SLC4A10: variants seen among roughly 807,000 people sequenced by gnomAD.
SLC4A10 encodes solute carrier family 4 member 10, also known as sodium-driven chloride bicarbonate exchanger.
SLC4A10 carries 42 observed loss-of-function variants against 137.7 expected under a neutral mutation model. The ratio of observed to expected loss-of-function variants is 0.30; its 90% confidence interval spans 0.24 to 0.39. The LOEUF is 0.39. Among genes scored for constraint, SLC4A10 ranks in the 10% least tolerant of loss-of-function variants. The pLI, the probability that SLC4A10 is intolerant of heterozygous loss-of-function variation, is 1.00. For synonymous variants in SLC4A10, 474 were observed against 464.1 expected (o/e 1.02, Z -0.27); for missense variants, 925 against 1,355.0 (o/e 0.68, Z 4.98).
chr2:161,910,867 A>G (rs1330302194), intron 15 of SLC4A10, among the ~76,000 whole-genome samples: 1 of 151,808 alleles, frequency 6.6e-6, no homozygotes, highest in African/African-American at 2.4e-5. Context: ...CTAGATTTGA[A>G]CCTCCTTTAA....
chr2:161,823,810 GGGA>G (rs2057818806), intron 3 of SLC4A10, among the ~76,000 whole-genome samples: 1 of 152,204 alleles, frequency 6.6e-6, no homozygotes, highest in Non-Finnish European at 1.5e-5. Flanking sequence ...CAATTCTGGG[GGGA>G]AAATGCCACA....
intron 2 of SLC4A10, among the ~76,000 whole-genome samples, chr2:161,788,283 G>A (rs2053844543): frequency 1.3e-5 from 2 of 151,980 alleles, no homozygotes; most frequent in Admixed American, 6.6e-5. Flanking sequence ...GTGACTAGGA[G>A]AGCAGAGGTC....
chr2:161,957,000 G>T lies in SLC4A10; in HGVS notation c.2553G>T (p.Gly851=), dbSNP rs778387459. ...TCTTTTTTAAACAGAAAGGTTGTGG[G>T]TACCATCTGGACCTATTAATGGTGG... ...RKEHKLKKGC[G]YHLDLLMVAV... is the part of the protein sequence containing the mutation. The change falls in exon 20 of 27, where the codon GGG becomes GGT. Residue 851 remains glycine, a synonymous_variant. Coordinates refer to ENST00000446997, the MANE Select transcript of SLC4A10 (RefSeq NM_001178015.2). 8.0e-5 allele frequency: 127 copies of T among 1,580,104 alleles called. No individual in the cohort carries two copies. The highest frequency in any genetic ancestry group is 1.0e-4 in the Non-Finnish European group (121 of 1,162,922).
intron 19 of SLC4A10, 150 bp downstream of exon 19, chr2:161,950,998 C>A: frequency 1.4e-6 from 1 of 731,220 alleles, no homozygotes; most frequent in Non-Finnish European, 2.0e-6. Context: ...TTACAAGATA[C>A]TTGGTCTTAC....
chr2:161,752,854 T>C (rs2049134869), intron 1 of SLC4A10, among the ~76,000 whole-genome samples: 1 of 152,104 alleles, frequency 6.6e-6, no homozygotes, highest in South Asian at 2.1e-4. Context: ...TCATGGTGAC[T>C]GTACTTAATA....
chr2:161,684,153 G>A (rs1318025065), intron 1 of SLC4A10, among the ~76,000 whole-genome samples: 1 of 152,028 alleles, frequency 6.6e-6, no homozygotes, highest in East Asian at 1.9e-4. Flanking sequence ...TCCTTTTTGT[G>A]TGTGGCTCAC....
intron 15 of SLC4A10, among the ~76,000 whole-genome samples, chr2:161,928,467 A>C (rs2105590449): frequency 6.6e-6 from 1 of 151,452 alleles, no homozygotes; most frequent in East Asian, 1.9e-4. Flanking sequence ...GCACATGTAT[A>C]CATATGTAAC....
chr2:161,847,426 T>C (rs1418878489), intron 4 of SLC4A10, among the ~76,000 whole-genome samples: 2 of 151,900 alleles, frequency 1.3e-5, no homozygotes, highest in Non-Finnish European at 2.9e-5. Flanking sequence ...ACAGGTTTGG[T>C]GTACAGATAA....
chr2:161,869,506 A>G (rs1243887493), intron 6 of SLC4A10, among the ~76,000 whole-genome samples: 1 of 151,656 alleles, frequency 6.6e-6, no homozygotes, highest in African/African-American at 2.4e-5. Flanking sequence ...ATGCTTGAAT[A>G]TTGGTTTTAT....
At chr2:161,793,422 A>G (rs62190668) in intron 2 of SLC4A10, among the ~76,000 whole-genome samples, 10,074 of 151,666 alleles carry the variant, frequency 0.066, 450 homozygotes, top group East Asian at 0.16. Context: ...ATATCCTTTG[A>G]CTAGCCCCTT....
rs566913282 is a variant in SLC4A10 at position 161,896,263 on chromosome 2, A to G, written c.1341+1438A>G. ...ATTTCTGAGGGCTCTGTTCTGTTCC[A>G]TTGATCTATATCTCTGTTTTGGTAC... On this transcript the variant is annotated intron_variant, in intron 11 of 26. Transcript: ENST00000446997. 3.6e-3 allele frequency among the ~76,000 whole-genome samples: 551 copies of G among 151,770 alleles called. 1 individual carries two copies. Among genetic ancestry groups the G allele is most frequent in the African/African-American group, 0.011 (475 of 41,368 alleles).
chr2:161,736,052 T>A (rs931098063), intron 1 of SLC4A10, among the ~76,000 whole-genome samples: 13 of 152,186 alleles, frequency 8.5e-5, no homozygotes, highest in Non-Finnish European at 1.8e-4. Flanking sequence ...AAGTTTTATG[T>A]ATACATAATA....
At chr2:161,760,873 A>G (rs968833397) in intron 1 of SLC4A10, among the ~76,000 whole-genome samples, 14 of 152,088 alleles carry the variant, frequency 9.2e-5, no homozygotes, top group Non-Finnish European at 1.6e-4. Flanking sequence ...GTGGATAAAG[A>G]GAATGTGGTA....
At chr2:161,696,970 G>C (rs948406278) in intron 1 of SLC4A10, among the ~76,000 whole-genome samples, 3 of 152,094 alleles carry the variant, frequency 2.0e-5, no homozygotes, top group African/African-American at 4.8e-5. Context: ...AGCATCTGTT[G>C]TTTCCTGACT....
chr2:161,901,062 T>G (rs1275538693), intron 12 of SLC4A10, 51 bp downstream of exon 12: 10 of 1,318,718 alleles, frequency 7.6e-6, no homozygotes, highest in Admixed American at 2.0e-5. Flanking sequence ...GACATACCAT[T>G]CTTCTCTGTC....
intron 1 of SLC4A10, among the ~76,000 whole-genome samples, chr2:161,770,270 G>GC (rs1445190893): frequency 6.6e-6 from 1 of 151,810 alleles, no homozygotes; most frequent in East Asian, 1.9e-4. Context: ...ATTATACTCA[G>GC]CCCCCCTGCC....
chr2:161,919,185 A>G (rs1284357368), intron 15 of SLC4A10, among the ~76,000 whole-genome samples: 1 of 152,110 alleles, frequency 6.6e-6, no homozygotes, highest in East Asian at 1.9e-4. Flanking sequence ...GTGCACTGAC[A>G]AGCATGAGAT....
chr2:161,794,275 C>T (rs1215765834), intron 2 of SLC4A10, among the ~76,000 whole-genome samples: 1 of 152,080 alleles, frequency 6.6e-6, no homozygotes, highest in Admixed American at 6.6e-5. Flanking sequence ...AAAAAAGTAA[C>T]TCGCCAATAA....
At chr2:161,788,705 A>G (rs2053893537) in intron 2 of SLC4A10, among the ~76,000 whole-genome samples, 1 of 152,176 alleles carries the variant, frequency 6.6e-6, no homozygotes, top group Admixed American at 6.5e-5. Flanking sequence ...GCCTCTTCCC[A>G]GAGCCCAGAG....
Sources: gnomAD v4.1 joint callset for allele counts (sites outside exome capture counted in the v4.1 genomes callset) on GRCh38, gnomAD v4.1.1 for gene constraint, MANE v1.5 for transcripts, NCBI Gene and HGNC (gene_info 2026-07-23, HGNC 2026-07-21) for gene names.